Variants in PRODH2 observed in about 807,000 individuals in gnomAD.
PRODH2 encodes the protein hydroxyproline dehydrogenase.
Under a neutral mutation model 51.9 loss-of-function variants are expected in PRODH2, and 49 were observed. The observed-to-expected ratio is 0.94, with a 90% CI of 0.75 to 1.20. The LOEUF is 1.20. Among genes scored for constraint, PRODH2 ranks in the 50% most tolerant of loss-of-function variants. The pLI, the probability that PRODH2 is intolerant of heterozygous loss-of-function variation, is 0.00. For synonymous variants in PRODH2, 249 were observed against 260.7 expected (o/e 0.96, Z 0.43); for missense variants, 597 against 610.9 (o/e 0.98, Z 0.24).
intron 4 of PRODH2, among the ~76,000 whole-genome samples, chr19:35,810,058 A>T (rs569571844): frequency 1.2e-4 from 18 of 145,024 alleles, no homozygotes; most frequent in Non-Finnish European, 2.1e-4. Flanking sequence ...ACCTGGGGTC[A>T]GGAGTTCAAG....
In PRODH2 at chr19:35,800,148, T is replaced by A; in HGVS notation, c.1273A>T (p.Arg425Trp). 1 of 1,605,490 alleles carries A rather than the reference T, an allele frequency of 6.2e-7. No homozygotes were observed. The highest frequency in any genetic ancestry group is 8.5e-7 in the Non-Finnish European group (1 of 1,175,756). Residue 425 changes from arginine to tryptophan, a missense_variant, in exon 10 of 10, where the codon AGG becomes TGG. By Grantham distance (101) the Arg-to-Trp change is moderately radical. Coordinates refer to ENST00000653904, the MANE Select transcript of PRODH2 (RefSeq NM_021232.2). ...LEEVIPYLIR[R>W]AQENRSVLQG... ...AGCACGCTCCGGTTCTCCTGGGCCCTCCGGATCAGGTAGGGGATTACCTCC... is the reference window on the plus strand; with the variant it reads ...AGCACGCTCCGGTTCTCCTGGGCCCACCGGATCAGGTAGGGGATTACCTCC...
Position 35,802,172 on chromosome 19 carries a change from G to T in PRODH2, c.1198+19C>A, listed in dbSNP as rs536959909. 7 of 1,610,638 alleles carry T rather than the reference G, an allele frequency of 4.3e-6. No individual in the cohort carries two copies. The highest frequency in any genetic ancestry group is 1.7e-5 in the Admixed American group (1 of 60,002). On this transcript the variant is annotated intron_variant, in intron 9 of 9. Coordinates refer to ENST00000653904, the MANE Select transcript of PRODH2 (RefSeq NM_021232.2). The stretch of plus-strand genomic sequence containing the variant: ...GTAAGGCCTGGGGCTTGATGGGGGT[G>T]GGGGAGCCATTCACATACCCAGTGC...
chr19:35,800,449 A>G (rs1226840323), intron 9 of PRODH2, among the ~76,000 whole-genome samples: 1 of 152,024 alleles, frequency 6.6e-6, no homozygotes, highest in Non-Finnish European at 1.5e-5. Flanking sequence ...GGGTTTCACC[A>G]TGTTGGCCAG....
At position 35,812,196 on chromosome 19, in the gene PRODH2, T is replaced by C; in HGVS notation, c.448A>G (p.Ser150Gly). ...TGCATGAGGCTGGCCTCAGCCAGGC[T>C]GGGGGGCTCCAGGAGGCCCCGTGAC... Reference protein sequence around the residue: ...DLSRGLLEPPSLAEASLMQLK... With the variant: ...DLSRGLLEPPGLAEASLMQLK... The change falls in exon 3 of 10, where the codon AGC (serine) becomes GGC (glycine). Residue 150 changes from serine to glycine, a missense_variant. Ser to Gly is a moderately conservative substitution (Grantham distance 56). Transcript: ENST00000653904. 1 of 1,614,132 alleles carries C rather than the reference T, an allele frequency of 6.2e-7. No homozygotes were observed. The highest frequency in any genetic ancestry group is 8.5e-7 in the Non-Finnish European group (1 of 1,180,024).
chr19:35,800,575 G>A (rs1483053582), intron 9 of PRODH2, among the ~76,000 whole-genome samples: 1 of 152,132 alleles, frequency 6.6e-6, no homozygotes, highest in African/African-American at 2.4e-5. Flanking sequence ...TATGGGCTTG[G>A]GCTGGGGGGA....
At chr19:35,811,418 G>A (rs917456216) in intron 4 of PRODH2, among the ~76,000 whole-genome samples, 3 of 116,832 alleles carry the variant, frequency 2.6e-5, no homozygotes, top group Non-Finnish European at 5.0e-5. Context: ...AGGGAGGAGA[G>A]AGAAGGAAGG....
At chr19:35,802,725 T>A (rs1972452475) in intron 8 of PRODH2, among the ~76,000 whole-genome samples, 1 of 152,044 alleles carries the variant, frequency 6.6e-6, no homozygotes, top group African/African-American at 2.4e-5. Flanking sequence ...CCAGCTGTTT[T>A]TTTTTTTTTA....
intron 9 of PRODH2, among the ~76,000 whole-genome samples, chr19:35,800,838 A>C (rs1193823609): frequency 1.3e-5 from 2 of 152,074 alleles, no homozygotes; most frequent in Admixed American, 6.6e-5. Context: ...GACCACAGGC[A>C]TGCACCTCCA....
chr19:35,805,529 A>G (rs1902372779), intron 7 of PRODH2, among the ~76,000 whole-genome samples: 2 of 152,074 alleles, frequency 1.3e-5, no homozygotes, highest in African/African-American at 4.8e-5. Flanking sequence ...AGCCTCCCAA[A>G]GTGCCGGGAT....
intron 4 of PRODH2, among the ~76,000 whole-genome samples, chr19:35,808,772 T>TCTCC (rs977931396): frequency 6.7e-6 from 1 of 149,742 alleles, no homozygotes; most frequent in Non-Finnish European, 1.5e-5. Flanking sequence ...TTCTCTCTTT[T>TCTCC]CTCCCTCCCT....
Position 35,812,162 on chromosome 19 carries a change from A to G in PRODH2, c.482T>C (p.Val161Ala). 3 of 1,614,130 alleles carry G rather than the reference A, an allele frequency of 1.9e-6. No homozygotes were observed. Among genetic ancestry groups the G allele is most frequent in the South Asian group, 1.1e-5 (1 of 91,078 alleles). Residue 161 changes from valine (V) to alanine (A), a missense_variant, in exon 3 of 10, where the codon GTG becomes GCG. Coordinates refer to ENST00000653904, the MANE Select transcript of PRODH2 (RefSeq NM_021232.2). ...GAGCCGAGTACTGGTCAGCGCCGTC[A>G]CCTTCAGCTGCATGAGGCTGGCCTC... ...LAEASLMQLK[V>A]TALTSTRLCK...
chr19:35,810,732 G>A (rs1007669110), intron 4 of PRODH2, among the ~76,000 whole-genome samples: 2 of 152,070 alleles, frequency 1.3e-5, no homozygotes, highest in Admixed American at 6.6e-5. Context: ...TGTTGGCCAG[G>A]CTGGTCTTGA....
rs775853416 is a variant in PRODH2 at position 35,812,232 on chromosome 19, A to T, written c.412T>A (p.Cys138Ser). ...YEGNLGAMLR[C>S]VDLSRGLLEP... is the part of the protein sequence containing the mutation. Reference sequence around the variant, plus strand: ...AGGAGGCCCCGTGACAGGTCCACACACCGCAGCATAGCACCGAGGTTCCCC... The same window carrying T: ...AGGAGGCCCCGTGACAGGTCCACACTCCGCAGCATAGCACCGAGGTTCCCC... Residue 138 changes from cysteine to serine, a missense_variant, in exon 3 of 10, where the codon TGT (cysteine) becomes AGT (serine). Cys to Ser is a moderately radical substitution (Grantham distance 112). Coordinates refer to ENST00000653904, the MANE Select transcript of PRODH2 (RefSeq NM_021232.2). The T allele has an allele frequency of 6.2e-7, 1 of 1,613,824 alleles. No individual in the cohort carries two copies.
chr19:35,805,505 G>A (rs557350935), intron 7 of PRODH2, among the ~76,000 whole-genome samples: 76 of 152,302 alleles, frequency 5.0e-4, no homozygotes, highest in African/African-American at 1.6e-3. Context: ...GACCTCAGGT[G>A]ATCTGCCTGC....
At position 35,812,525 on chromosome 19, in the gene PRODH2, G is replaced by A. The variant is rs935899677; in HGVS notation, c.206C>T (p.Ser69Phe). The A allele has an allele frequency of 6.2e-7, 1 of 1,614,174 alleles. No individual in the cohort carries two copies. The highest frequency in any genetic ancestry group is 8.5e-7 in the Non-Finnish European group (1 of 1,179,998). ...TCGGAGAAATGCGCCTGAGAGCCGG[G>A]AGCCCAGGAGTCGCCGAGACCAGGC... is the stretch of plus-strand genomic sequence containing the variant. Reference protein sequence around the residue: ...LQAWSRRLLGSRLSGAFLRAS... With the variant: ...LQAWSRRLLGFRLSGAFLRAS... The change falls in exon 2 of 10, where the codon TCC (serine) becomes TTC (phenylalanine). Residue 69 changes from serine to phenylalanine, a missense_variant. Ser to Phe is a radical substitution (Grantham distance 155, BLOSUM62 -2). Transcript: ENST00000653904.
intron 4 of PRODH2, among the ~76,000 whole-genome samples, chr19:35,811,329 G>C (rs1599824519): frequency 6.6e-6 from 1 of 151,408 alleles, no homozygotes; most frequent in African/African-American, 2.4e-5. Context: ...GAGGCTGGGG[G>C]ATTGCTTGAG....
In PRODH2 at chr19:35,812,203, C is replaced by A; in HGVS notation, c.441G>T (p.Glu147Asp). 6.2e-7 allele frequency: 1 copy of A among 1,614,120 alleles called. No individual in the cohort carries two copies. The highest frequency in any genetic ancestry group is 8.5e-7 in the Non-Finnish European group (1 of 1,180,032). ...GGCTGGCCTCAGCCAGGCTGGGGGGCTCCAGGAGGCCCCGTGACAGGTCCA... is the reference window on the plus strand; with the variant it reads ...GGCTGGCCTCAGCCAGGCTGGGGGGATCCAGGAGGCCCCGTGACAGGTCCA... ...RCVDLSRGLL[E>D]PPSLAEASLM... The change falls in exon 3 of 10, where the codon GAG becomes GAT. Residue 147 changes from glutamate to aspartate, a missense_variant. Transcript: ENST00000653904.
chr19:35,806,028 A>AT (rs1972505417), intron 7 of PRODH2, among the ~76,000 whole-genome samples: 1 of 152,114 alleles, frequency 6.6e-6, no homozygotes, highest in Admixed American at 6.6e-5. Context: ...GACAGGGAGC[A>AT]TGTGGGGCTT....
At chr19:35,811,910 G>C in intron 4 of PRODH2, 52 bp downstream of exon 4, 1 of 1,549,642 alleles carries the variant, frequency 6.5e-7, no homozygotes, top group East Asian at 2.3e-5. Context: ...CGGTGTGGCC[G>C]CATCTAAGTC....
Sources: gnomAD v4.1 joint callset for allele counts (sites outside exome capture counted in the v4.1 genomes callset) on GRCh38, gnomAD v4.1.1 for gene constraint, MANE v1.5 for transcripts, NCBI Gene and HGNC (gene_info 2026-07-23, HGNC 2026-07-21) for gene names.